Variants in CELSR1 observed in about 807,000 individuals in gnomAD.
CELSR1 encodes cadherin EGF LAG seven-pass G-type receptor 1.
In CELSR1, 110 loss-of-function variants were observed where a neutral mutation model predicts 249.1. That is an observed-to-expected ratio of 0.44 (90% CI 0.38 to 0.52). The LOEUF is 0.52. CELSR1 is among the 20% of genes least tolerant of loss of function. CELSR1 has a pLI of 0.00. For synonymous variants in CELSR1, 2,113 were observed against 1,900.0 expected, an observed-to-expected ratio of 1.11 and a Z score of -2.92; for missense variants, 4,109 against 4,296.4, an observed-to-expected ratio of 0.96 and a Z score of 1.22.
chr22:46,398,666 G>T lies in CELSR1; in HGVS notation c.5413-29C>A. ...TGCGGAGAGAGGGGCCGGGGATCTG[G>T]GGGCTGCATCCACCATCCTAGAAAC... is the stretch of plus-strand genomic sequence containing the variant. On this transcript the variant is annotated intron_variant, in intron 10 of 34. Transcript: ENST00000674500. The surrounding 1 kb of genome is among the most constrained non-coding windows in gnomAD (Gnocchi z 7.2). 1 of 1,557,426 alleles carries T rather than the reference G, an allele frequency of 6.4e-7. No individual in the cohort carries two copies. The highest frequency in any genetic ancestry group is 8.8e-7 in the Non-Finnish European group (1 of 1,142,316).
chr22:46,378,777 A>G (rs1467802102), intron 22 of CELSR1, 60 bp from the exon 23 acceptor site: 9 of 1,568,814 alleles, frequency 5.7e-6, no homozygotes, highest in Non-Finnish European at 6.9e-6. Flanking sequence ...ATGAGTCTGT[A>G]AAGGGCAGCC....
Position 46,377,402 on chromosome 22 carries a change from T to C in CELSR1, c.7384-141A>G. 11 of 899,504 alleles carry C rather than the reference T, an allele frequency of 1.2e-5. No homozygotes were observed. The South Asian group carries it at 1.8e-4, about 14-fold the overall frequency. The allele number at this position is 899,504 out of a possible 1,614,324, so 55.7% of individuals were successfully genotyped here. A position where few individuals can be genotyped will look rare whatever the true frequency, so the allele number is the denominator to read the frequency against. On this transcript the variant is annotated intron_variant, in intron 23 of 34. Coordinates refer to ENST00000674500, the MANE Select transcript of CELSR1 (RefSeq NM_001378328.1). ...ATCAGGCTGGGCTGGGGAGGCCGAG[T>C]GCTCATGGCTCTGGGCCTGGAACTG...
Position 46,433,456 on chromosome 22 carries a change from C to T in CELSR1, c.4548G>A (p.Pro1516=), listed in dbSNP as rs762768798. ...CGTCACTCACACCACTGGGAACCTT[C>T]GGTGCCACGGTCGTTGTTGTCTCGC... The part of the protein sequence containing the change: ...SAGETTTTVA[P]KVPSGVSDGR... Residue 1516 remains proline (P), a synonymous_variant, in exon 5 of 35, where the codon CCG becomes CCA. Coordinates refer to ENST00000674500, the MANE Select transcript of CELSR1 (RefSeq NM_001378328.1). This position sits in a 1 kb window ranked among gnomAD's most constrained non-coding sequence, Gnocchi z 5.7. The T allele has an allele frequency of 1.5e-5, 24 of 1,613,862 alleles. No individual in the cohort carries two copies. Among genetic ancestry groups the T allele is most frequent in the East Asian group, 6.7e-5 (3 of 44,884 alleles).
At chr22:46,384,818 C>G in intron 19 of CELSR1, 132 bp from the exon 20 acceptor site, 1 of 971,724 alleles carries the variant, frequency 1.0e-6, no homozygotes, top group Non-Finnish European at 1.4e-6. Flanking sequence ...GAGGTGGAGT[C>G]TCGCAGTGTC....
intron 19 of CELSR1, 49 bp downstream of exon 19, chr22:46,386,353 C>G (rs1369068163): frequency 1.4e-6 from 2 of 1,457,204 alleles, no homozygotes; most frequent in East Asian, 2.6e-5. Flanking sequence ...CTCTGGGGCA[C>G]ACCCCTGATG....
In CELSR1 at chr22:46,369,782, G is replaced by A. The variant is rs771755263; in HGVS notation, c.7782C>T (p.Pro2594=). The A allele has an allele frequency of 1.2e-6, 2 of 1,613,178 alleles. No homozygotes were observed. Among genetic ancestry groups the A allele is most frequent in the Admixed American group, 3.3e-5 (2 of 60,022 alleles). Reference sequence around the variant, plus strand: ...AGAAGTCGGGGTTCCCGTAGCCCTGGGGGTCCAGGCCGACCGCCAGTCCTG... The same window carrying A: ...AGAAGTCGGGGTTCCCGTAGCCCTGAGGGTCCAGGCCGACCGCCAGTCCTG... ...IVTGLAVGLD[P]QGYGNPDFCW... is the part of the protein sequence containing the mutation. The change falls in exon 26 of 35, where the codon CCC becomes CCT. Residue 2594 remains proline (P), a synonymous_variant. Transcript: ENST00000674500.
rs776632614 is a variant in CELSR1 at position 46,409,860 on chromosome 22, A to C, written c.4954T>G (p.Phe1652Val). 6.2e-7 allele frequency: 1 copy of C among 1,613,492 alleles called. No individual in the cohort carries two copies. The highest frequency in any genetic ancestry group is 8.5e-7 in the Non-Finnish European group (1 of 1,179,936). The stretch of plus-strand genomic sequence containing the variant: ...TTCTGACACCGCCTCCCATCGCAGA[A>C]GTTCCTCCGAGCAGCGCAGCCTGGC... ...TREGCAARRN[F>V]CDGRRCQNGG... Residue 1652 changes from phenylalanine (F) to valine (V), a missense_variant, in exon 8 of 35, where the codon TTC (phenylalanine) becomes GTC (valine). Transcript: ENST00000674500. The surrounding 1 kb of genome is among the most constrained non-coding windows in gnomAD (Gnocchi z 9.8).
At chr22:46,481,537 G>A (rs2080266566) in intron 1 of CELSR1, 2 of 1,314,088 alleles carry the variant, frequency 1.5e-6, no homozygotes, top group South Asian at 2.6e-5. Context: ...CAGCTCACTG[G>A]TGATCAAAGC....
Position 46,446,383 on chromosome 22 carries a change from C to G in CELSR1, c.4184-6972G>C, listed in dbSNP as rs1471699311. ...TGCTTAGGGTGACCCTGGGGGCTCT[C>G]ATGGACTCAAAATCTCCCCTCTCCA... is the stretch of plus-strand genomic sequence containing the variant. On this transcript the variant is annotated intron_variant, in intron 2 of 34. Coordinates refer to ENST00000674500, the MANE Select transcript of CELSR1 (RefSeq NM_001378328.1). The surrounding 1 kb of genome is among the most constrained non-coding windows in gnomAD (Gnocchi z 5.5). 2.6e-5 allele frequency among the ~76,000 whole-genome samples: 4 copies of G among 152,166 alleles called. No individual in the cohort carries two copies. Among genetic ancestry groups the G allele is most frequent in the African/African-American group, 9.7e-5 (4 of 41,444 alleles).
chr22:46,363,891 C>T lies in CELSR1; in HGVS notation c.9035+105G>A. On this transcript the variant is annotated intron_variant, in intron 34 of 34. Transcript: ENST00000674500. The surrounding 1 kb of genome is among the most constrained non-coding windows in gnomAD (Gnocchi z 4.3). ...CTGGGCTTCCTCTGCACTCAGGGCT[C>T]CAGGTGAGGTGGGTGTCAGGTCCCT... 7.2e-7 allele frequency: 1 copy of T among 1,394,930 alleles called. No individual in the cohort carries two copies. Among genetic ancestry groups the T allele is most frequent in the South Asian group, 1.5e-5 (1 of 65,784 alleles). 86.4% of individuals were successfully genotyped at this position (1,394,930 alleles called of 1,614,324 possible). A position where few individuals can be genotyped will look rare whatever the true frequency, so the allele number is the denominator to read the frequency against.
At chr22:46,383,509 T>A (rs1477052119) in intron 20 of CELSR1, among the ~76,000 whole-genome samples, 1 of 152,190 alleles carries the variant, frequency 6.6e-6, no homozygotes, top group Non-Finnish European at 1.5e-5. Flanking sequence ...GATTCTAAAA[T>A]GCCTATTTCT....
intron 17 of CELSR1, 30 bp from the exon 18 acceptor site, chr22:46,389,529 C>A: frequency 6.2e-7 from 1 of 1,609,350 alleles, no homozygotes; most frequent in Non-Finnish European, 8.5e-7. Context: ...GTGATGTGTG[C>A]AAACCCACTT....
At position 46,401,756 on chromosome 22, in the gene CELSR1, G is replaced by A. The variant is rs9627446; in HGVS notation, c.5227-1854C>T. 0.026 allele frequency among the ~76,000 whole-genome samples: 3,921 copies of A among 152,184 alleles called. 177 individuals are homozygous for A. The highest frequency in any genetic ancestry group is 0.085 in the African/African-American group (3,532 of 41,494). On this transcript the variant is annotated intron_variant, in intron 9 of 34. Transcript: ENST00000674500. This position sits in a 1 kb window ranked among gnomAD's most constrained non-coding sequence, Gnocchi z 4.7. ...GGAACCCTGAGGGGTTTACACTAAC[G>A]ATAAAAACGAAAAAGAGCCACCTTT...
At position 46,398,269 on chromosome 22, in the gene CELSR1, AGGCAGAGG is replaced by A. The variant is rs957424252; in HGVS notation, c.5526+247_5526+254del. Among the ~76,000 whole-genome samples, 4 of 152,124 alleles carry A rather than the reference AGGCAGAGG, an allele frequency of 2.6e-5. No individual in the cohort carries two copies. The highest frequency in any genetic ancestry group is 6.5e-5 in the Admixed American group (1 of 15,288). ...GGGCTCGATTCAGGACACTTCACAA[AGGCAGAGG>A]GGCAGGTGGCTGGCATGGCGGTGGG... On this transcript the variant is annotated intron_variant, in intron 11 of 34. Coordinates refer to ENST00000674500, the MANE Select transcript of CELSR1 (RefSeq NM_001378328.1). This position sits in a 1 kb window ranked among gnomAD's most constrained non-coding sequence, Gnocchi z 7.2.
Position 46,363,274 on chromosome 22 carries a change from A to C in CELSR1, c.9036-27T>G. On this transcript the variant is annotated intron_variant, in intron 34 of 34. Coordinates refer to ENST00000674500, the MANE Select transcript of CELSR1 (RefSeq NM_001378328.1). This position sits in a 1 kb window ranked among gnomAD's most constrained non-coding sequence, Gnocchi z 4.3. ...TGCGCGTGGGAAGAAGCCAGCAAGC[A>C]GGTGAAGGGTCAGTGAGGGTAGCGG... The C allele has an allele frequency of 6.2e-7, 1 of 1,601,098 alleles. No individual in the cohort carries two copies.
In CELSR1 at chr22:46,517,054, T is replaced by A. The variant is rs1040797636; in HGVS notation, c.3544+16573A>T. Reference sequence around the variant, plus strand: ...ATCCACTTCCTGAGGCTGGTGACTCTGGGGGAAGAATCCAGAGGGTCTGGC... The same window carrying A: ...ATCCACTTCCTGAGGCTGGTGACTCAGGGGGAAGAATCCAGAGGGTCTGGC... On this transcript the variant is annotated intron_variant, in intron 1 of 34. Transcript: ENST00000674500. The surrounding 1 kb of genome is among the most constrained non-coding windows in gnomAD (Gnocchi z 5.4). Among the ~76,000 whole-genome samples the A allele has an allele frequency of 6.6e-6, 1 of 152,236 alleles. No homozygotes were observed. The highest frequency in any genetic ancestry group is 2.4e-5 in the African/African-American group (1 of 41,458).
chr22:46,373,165 A>T (rs1451834349), intron 24 of CELSR1, 108 bp from the exon 25 acceptor site: 1 of 1,191,330 alleles, frequency 8.4e-7, no homozygotes, highest in East Asian at 2.6e-5. Context: ...GGACCACCCT[A>T]TGTGTCTGTC....
intron 1 of CELSR1, among the ~76,000 whole-genome samples, chr22:46,508,604 C>T (rs2080540615): frequency 6.6e-6 from 1 of 152,154 alleles, no homozygotes; most frequent in Admixed American, 6.5e-5. Context: ...CTCCCACCCC[C>T]TCACCGCCTG....
intron 11 of CELSR1, 49 bp from the exon 12 acceptor site, chr22:46,397,897 T>C (rs2079168498): frequency 7.0e-7 from 1 of 1,432,520 alleles, no homozygotes; most frequent in Non-Finnish European, 9.3e-7. Context: ...GAAAGGTATG[T>C]AGGGGTTAAG....
Sources: allele counts gnomAD v4.1 joint callset (sites outside exome capture counted in the v4.1 genomes callset), GRCh38; gene constraint gnomAD v4.1.1; non-coding constraint Gnocchi (gnomAD v3.1); transcripts MANE v1.5; gene names NCBI Gene and HGNC (gene_info 2026-07-23, HGNC 2026-07-21).